Variants in LRIF1 observed in about 807,000 individuals in gnomAD.
LRIF1 encodes the protein ligand-dependent nuclear receptor-interacting factor 1.
A neutral mutation model predicts 52.7 loss-of-function variants in LRIF1; 32 were observed. That is an observed-to-expected ratio of 0.61 (90% CI 0.46 to 0.82). The LOEUF (loss-of-function observed/expected upper bound fraction) is 0.82. LRIF1 is among the 40% of genes least tolerant of loss of function. LRIF1 has a pLI of 0.00. For synonymous variants in LRIF1, 323 were observed against 317.4 expected, an observed-to-expected ratio of 1.02 and a Z score of -0.19; for missense variants, 887 against 892.0, an observed-to-expected ratio of 0.99 and a Z score of 0.07.
chr1:110,911,876 A>G, the LRIF1 span, among the ~76,000 whole-genome samples: 1 of 152,232 alleles, frequency 6.6e-6, no homozygotes, highest in African/African-American at 2.4e-5. Flanking sequence ...AGAGCTATCT[A>G]TGACAAACCC....
chr1:110,944,085 A>G (rs1658147036), downstream of LRIF1: 1 of 152,236 alleles, frequency 6.6e-6, no homozygotes, highest in East Asian at 1.9e-4. Context: ...TAGGGGCACA[A>G]AAGTGGAATA....
At chr1:110,903,283 A>G in the LRIF1 span, among the ~76,000 whole-genome samples, 1 of 152,192 alleles carries the variant, frequency 6.6e-6, no homozygotes, top group Non-Finnish European at 1.5e-5. Context: ...CTACTAAGAC[A>G]CCAGCTGGGG....
chr1:110,918,586 G>A, the LRIF1 span, among the ~76,000 whole-genome samples: 15 of 152,232 alleles, frequency 9.9e-5, no homozygotes, highest in African/African-American at 3.1e-4. Flanking sequence ...ATAGAAATGA[G>A]GGATAAAATA....
the LRIF1 span, among the ~76,000 whole-genome samples, chr1:110,909,084 G>GA: frequency 2.7e-3 from 405 of 151,364 alleles, 1 homozygote; most frequent in African/African-American, 9.3e-3. Flanking sequence ...CATCATTAAA[G>GA]AAAAAAAAAT....
the LRIF1 span, chr1:110,892,496 T>C: frequency 5.6e-6 from 9 of 1,614,070 alleles, no homozygotes; most frequent in Admixed American, 8.3e-5. Context: ...CTGGGCTGCA[T>C]GGGCTCTATC....
downstream of LRIF1, chr1:110,945,250 T>C (rs530405595): frequency 4.6e-5 from 7 of 152,326 alleles, no homozygotes; most frequent in East Asian, 1.9e-4. Flanking sequence ...AATATATGTA[T>C]GTATGACGCA....
downstream of LRIF1, chr1:110,942,488 G>C (rs1296003130): frequency 1.3e-5 from 2 of 152,002 alleles, no homozygotes; most frequent in Non-Finnish European, 2.9e-5. Context: ...CTATTGTGCT[G>C]AGGACAAGCT....
the LRIF1 span, among the ~76,000 whole-genome samples, chr1:110,898,379 G>GC: frequency 3.5e-5 from 4 of 115,658 alleles, no homozygotes; most frequent in Admixed American, 9.2e-5. Flanking sequence ...TCTGTCTCCA[G>GC]AAAAAAAAAA....
the LRIF1 span, among the ~76,000 whole-genome samples, chr1:110,875,584 C>T: frequency 1.3e-5 from 2 of 152,164 alleles, no homozygotes; most frequent in African/African-American, 4.8e-5. Context: ...GCCTAGGGCA[C>T]TTCTTGTACC....
downstream of LRIF1, chr1:110,942,197 T>TC (rs1333139133): frequency 2.0e-5 from 3 of 152,132 alleles, no homozygotes; most frequent in Non-Finnish European, 4.4e-5. Context: ...ACTTTTGCAT[T>TC]CCCATCAGCA....
the LRIF1 span, among the ~76,000 whole-genome samples, chr1:110,879,741 A>T: frequency 1.3e-5 from 2 of 152,036 alleles, no homozygotes; most frequent in Non-Finnish European, 2.9e-5. Flanking sequence ...ACTTAAAAAA[A>T]TTTTAAAATA....
chr1:110,883,746 A>C, the LRIF1 span, among the ~76,000 whole-genome samples: 1 of 151,926 alleles, frequency 6.6e-6, no homozygotes, highest in African/African-American at 2.4e-5. Flanking sequence ...TATTCAGGTT[A>C]TCTATTTTTT....
intron 2 of LRIF1, among the ~76,000 whole-genome samples, chr1:110,950,808 C>T (rs1658437637): frequency 6.6e-6 from 1 of 152,030 alleles, no homozygotes; most frequent in African/African-American, 2.4e-5. Context: ...AGCCCTGTCT[C>T]ACCTTTTCCA....
chr1:110,946,675 GA>G (rs1658214463), downstream of LRIF1, among the ~76,000 whole-genome samples: 1 of 21,604 alleles, frequency 4.6e-5, no homozygotes, highest in Non-Finnish European at 8.5e-5. Context: ...TTTTTTTTTT[GA>G]GACGGAGTCT....
At chr1:110,877,565 G>A in the LRIF1 span, among the ~76,000 whole-genome samples, 5 of 152,218 alleles carry the variant, frequency 3.3e-5, no homozygotes, top group African/African-American at 1.2e-4. Context: ...CTCCCACATG[G>A]GAGGAAGTGA....
downstream of LRIF1, chr1:110,943,628 A>G (rs1031095724): frequency 2.0e-5 from 3 of 152,046 alleles, no homozygotes; most frequent in Admixed American, 6.5e-5. Context: ...AAGAGGCCAC[A>G]ATTTTTTCTT....
the LRIF1 span, among the ~76,000 whole-genome samples, chr1:110,908,288 C>T: frequency 3.9e-5 from 6 of 152,296 alleles, no homozygotes; most frequent in East Asian, 1.2e-3. Flanking sequence ...ATTAAAGGAA[C>T]ATCAGCCTAC....
the LRIF1 span, among the ~76,000 whole-genome samples, chr1:110,921,835 T>C: frequency 1.3e-5 from 2 of 152,140 alleles, no homozygotes; most frequent in East Asian, 3.8e-4. Context: ...TAAAAAAAGC[T>C]TTTATTTTAG....
the LRIF1 span, chr1:110,897,827 A>C: frequency 1.2e-6 from 2 of 1,610,656 alleles, no homozygotes; most frequent in Non-Finnish European, 1.7e-6. Context: ...TGCGAAAGCA[A>C]GACTGTGGTT....
Sources: allele counts gnomAD v4.1 joint callset (sites outside exome capture counted in the v4.1 genomes callset), GRCh38; gene constraint gnomAD v4.1.1; transcripts MANE v1.5; gene names NCBI Gene and HGNC (gene_info 2026-07-23, HGNC 2026-07-21).